NCKAP5: variants seen among roughly 807,000 people sequenced by gnomAD.
NCKAP5 encodes nck-associated protein 5.
A neutral mutation model predicts 167.0 loss-of-function variants in NCKAP5; 92 were observed. The observed-to-expected ratio is 0.55, with a 90% CI of 0.47 to 0.66. NCKAP5 has a LOEUF of 0.66. Among genes scored for constraint, NCKAP5 ranks in the 30% least tolerant of loss-of-function variants. NCKAP5 has a pLI of 0.00. For missense variants in NCKAP5, 2,378 were observed against 2,315.0 expected (o/e 1.03, Z -0.56); for synonymous variants, 891 against 877.4 (o/e 1.02, Z -0.27).
At chr2:132,927,031 T>A (rs1695954927) in intron 8 of NCKAP5, among the ~76,000 whole-genome samples, 1 of 152,318 alleles carries the variant, frequency 6.6e-6, no homozygotes, top group East Asian at 1.9e-4. Context: ...CTTTGATTCA[T>A]CATTATTAAT....
chr2:132,876,126 C>T (rs1211396245), intron 9 of NCKAP5, among the ~76,000 whole-genome samples: 1 of 152,066 alleles, frequency 6.6e-6, no homozygotes, highest in Non-Finnish European at 1.5e-5. Flanking sequence ...ACTCTTTCAC[C>T]CAGGCTGGAA....
At chr2:133,471,787 A>G (rs1262013396) in intron 3 of NCKAP5, among the ~76,000 whole-genome samples, 1 of 152,122 alleles carries the variant, frequency 6.6e-6, no homozygotes, top group Non-Finnish European at 1.5e-5. Flanking sequence ...AATGCCCTCT[A>G]CTGTCTCTCA....
At chr2:133,135,216 G>A (rs2082746942) in intron 5 of NCKAP5, among the ~76,000 whole-genome samples, 1 of 152,200 alleles carries the variant, frequency 6.6e-6, no homozygotes, top group Non-Finnish European at 1.5e-5. Context: ...AGGCCTCTGA[G>A]GAAGTAATAT....
chr2:133,437,483 A>T (rs985747358), intron 3 of NCKAP5, among the ~76,000 whole-genome samples: 6 of 152,198 alleles, frequency 3.9e-5, no homozygotes, highest in African/African-American at 1.4e-4. Flanking sequence ...ACACATAGCC[A>T]CTTGTAAAAA....
chr2:133,629,993 G>A, the NCKAP5 span, among the ~76,000 whole-genome samples: 1 of 152,130 alleles, frequency 6.6e-6, no homozygotes, highest in South Asian at 2.1e-4. Flanking sequence ...GGGGTGGGAG[G>A]TGAGGAGGGA....
intron 8 of NCKAP5, among the ~76,000 whole-genome samples, chr2:132,928,313 G>A (rs184449685): frequency 1.1e-3 from 165 of 152,284 alleles, no homozygotes; most frequent in Middle Eastern, 0.01. Flanking sequence ...TAAGCACTAC[G>A]TATGATAAAT....
intron 3 of NCKAP5, among the ~76,000 whole-genome samples, chr2:133,315,475 A>G (rs1003600883): frequency 3.9e-5 from 6 of 152,180 alleles, no homozygotes; most frequent in Non-Finnish European, 2.9e-5. Flanking sequence ...ACGTCATTAC[A>G]TATGAAAGAG....
At chr2:133,314,378 TA>T (rs1252615286) in intron 3 of NCKAP5, among the ~76,000 whole-genome samples, 1 of 152,108 alleles carries the variant, frequency 6.6e-6, no homozygotes, top group Non-Finnish European at 1.5e-5. Context: ...GTGGGCTAGT[TA>T]AAACACAGAT....
rs201191139 is a variant in NCKAP5, at chr2:132,861,630, CCTT to C, written c.688-1022_688-1020del. ...CACTGCCACTTTTCCTTCTTATCCACCTTCTTCTTTCAGCCCATATTTGGCTCT... is the reference window on the plus strand; with the variant it reads ...CACTGCCACTTTTCCTTCTTATCCACCTTCTTTCAGCCCATATTTGGCTCT... On this transcript the variant is annotated intron_variant, in intron 10 of 19. Transcript: ENST00000409261. 3.9e-5 allele frequency among the ~76,000 whole-genome samples: 6 copies of C among 152,280 alleles called. No individual in the cohort carries two copies. The East Asian group carries it at 1.2e-3, about 29-fold the overall frequency.
rs114612770 is a variant in NCKAP5, at chr2:133,498,186, T to C, written c.69+19272A>G. Among the ~76,000 whole-genome samples, 1,123 of 152,290 alleles carry C rather than the reference T, an allele frequency of 7.4e-3. 11 individuals are homozygous for C. The highest frequency in any genetic ancestry group is 9.9e-3 in the Non-Finnish European group (671 of 68,034). The stretch of plus-strand genomic sequence containing the variant: ...GTAAAAGCTTAGCCTTTGAGAGCTG[T>C]GGCTACTGTGTTGAAGAGCAAGCTC... On this transcript the variant is annotated intron_variant, in intron 3 of 19. Transcript: ENST00000409261.
At chr2:133,271,732 G>A (rs2089520344) in intron 4 of NCKAP5, among the ~76,000 whole-genome samples, 1 of 152,142 alleles carries the variant, frequency 6.6e-6, no homozygotes, top group Admixed American at 6.5e-5. Context: ...AAAGACATTT[G>A]GGACACGATT....
intron 12 of NCKAP5, among the ~76,000 whole-genome samples, chr2:132,796,367 T>G (rs1254191451): frequency 6.6e-6 from 1 of 152,198 alleles, no homozygotes; most frequent in Admixed American, 6.5e-5. Flanking sequence ...TCAGAGACTC[T>G]GAGATGTAAT....
chr2:132,794,738 A>G (rs1412983788), intron 12 of NCKAP5, among the ~76,000 whole-genome samples: 4 of 151,616 alleles, frequency 2.6e-5, no homozygotes. Flanking sequence ...TGGTCTCCCT[A>G]CGGGACCCTG....
At chr2:133,656,272 CAAAAA>C in the NCKAP5 span, among the ~76,000 whole-genome samples, 16 of 140,390 alleles carry the variant, frequency 1.1e-4, no homozygotes, top group African/African-American at 3.5e-4. Flanking sequence ...AACAAACAAA[CAAAAA>C]AAAAAAAAAA....
chr2:132,719,250 T>C (rs1271687749), intron 19 of NCKAP5, among the ~76,000 whole-genome samples: 2 of 152,168 alleles, frequency 1.3e-5, no homozygotes, highest in African/African-American at 4.8e-5. Context: ...AGGAGGTGAT[T>C]GGATTTAAAA....
intron 6 of NCKAP5, among the ~76,000 whole-genome samples, chr2:133,010,738 T>C (rs1012715993): frequency 1.3e-5 from 2 of 152,250 alleles, no homozygotes; most frequent in Non-Finnish European, 2.9e-5. Context: ...TGTCTTCAAG[T>C]ATTTTTTATC....
chr2:133,625,754 C>G, the NCKAP5 span, among the ~76,000 whole-genome samples: 1 of 151,608 alleles, frequency 6.6e-6, no homozygotes, highest in African/African-American at 2.4e-5. Context: ...ACCTGTAGTC[C>G]CAGCTACTCC....
intron 3 of NCKAP5, among the ~76,000 whole-genome samples, chr2:133,442,246 G>A (rs1690905146): frequency 6.6e-6 from 1 of 152,116 alleles, no homozygotes; most frequent in African/African-American, 2.4e-5. Flanking sequence ...AATATAGAGT[G>A]GTAGTAATTG....
intron 15 of NCKAP5, 106 bp from the exon 16 acceptor site, chr2:132,774,000 G>T (rs1261252794): frequency 4.5e-6 from 4 of 889,284 alleles, no homozygotes; most frequent in East Asian, 4.9e-5. Flanking sequence ...GTGGGCATAG[G>T]TGTGAGTGTT....
Sources: gnomAD v4.1 joint callset for allele counts (sites outside exome capture counted in the v4.1 genomes callset) on GRCh38, gnomAD v4.1.1 for gene constraint, MANE v1.5 for transcripts, NCBI Gene and HGNC (gene_info 2026-07-23, HGNC 2026-07-21) for gene names.